The following MID2 variants were observed in gnomAD, a reference collection of about 807,000 sequenced individuals.
The protein encoded by MID2 is midline 2.
In MID2, 13 loss-of-function variants were observed where a neutral mutation model predicts 46.1. That is an observed-to-expected ratio of 0.28 (90% CI 0.18 to 0.45). The LOEUF is 0.45. Ranked by LOEUF, MID2 falls within the 20% of genes least tolerant of loss-of-function variation. MID2 has a pLI of 1.00. For missense variants in MID2, 431 were observed against 575.4 expected, an observed-to-expected ratio of 0.75 and a Z score of 2.57; for synonymous variants, 199 against 212.3, an observed-to-expected ratio of 0.94 and a Z score of 0.55.
intron 3 of MID2, among the ~76,000 whole-genome samples, chrX:107,877,383 A>T (rs1388232373): frequency 8.9e-6 from 1 of 112,103 alleles, no homozygotes; most frequent in African/African-American, 3.2e-5. Context: ...CCTCCAGAGG[A>T]GTACAGACTG....
Position 107,825,879 on chromosome X carries a change from G to T in MID2, c.-548G>T. 1 of 256,934 alleles carries T rather than the reference G, an allele frequency of 3.9e-6. No individual in the cohort carries two copies. Among genetic ancestry groups the T allele is most frequent in the Non-Finnish European group, 6.9e-6 (1 of 144,630 alleles). The allele number at this position is 256,934 out of a possible 1,213,427, so 21.2% of individuals were successfully genotyped here. On this transcript the variant is annotated 5_prime_UTR_variant, in exon 1 of 10. Transcript: ENST00000262843. Reference sequence around the variant, plus strand: ...GTTTCTCCGGTCACTCCTGCCAGGGGAGAAGACATGTAAACGTGCCTCCAG... The same window carrying T: ...GTTTCTCCGGTCACTCCTGCCAGGGTAGAAGACATGTAAACGTGCCTCCAG...
intron 1 of MID2, among the ~76,000 whole-genome samples, chrX:107,832,052 A>G (rs1034250820): frequency 8.9e-6 from 1 of 112,470 alleles, no homozygotes; most frequent in Non-Finnish European, 1.9e-5. Context: ...TATGATGACT[A>G]TCTTGTATAA....
At chrX:107,906,051 C>G (rs775816414) in intron 5 of MID2, among the ~76,000 whole-genome samples, 2 of 111,897 alleles carry the variant, frequency 1.8e-5, no homozygotes, top group African/African-American at 6.5e-5. Flanking sequence ...TCACTCACCC[C>G]TTTCTAAATT....
At chrX:107,840,588 C>T in intron 1 of MID2, 82 bp from the exon 2 acceptor site, 6 of 771,356 alleles carry the variant, frequency 7.8e-6, no homozygotes, top group South Asian at 7.6e-5. Context: ...CACGTAAACG[C>T]GCCCATTGGT....
At position 107,905,629 on chromosome X, in the gene MID2, C is replaced by G; in HGVS notation, c.1073+3C>G. 1 of 1,185,784 alleles carries G rather than the reference C, an allele frequency of 8.4e-7. No individual in the cohort carries two copies. Among genetic ancestry groups the G allele is most frequent in the Middle Eastern group, 2.4e-4 (1 of 4,242 alleles). ...TCTGCAAAAAATATTGCTGAGAGGT[C>G]AGTTCCTTATATTCTTTGGAAATGC... is the stretch of plus-strand genomic sequence containing the variant. On this transcript the variant is annotated splice_donor_region_variant and intron_variant, in intron 5 of 9. Transcript: ENST00000262843.
At chrX:107,840,498 A>G (rs996943143) in intron 1 of MID2, among the ~76,000 whole-genome samples, 172 bp from the exon 2 acceptor site, 1 of 112,490 alleles carries the variant, frequency 8.9e-6, no homozygotes, top group Non-Finnish European at 1.9e-5. Context: ...TGTCTAAAAC[A>G]AGGTTTGAAG....
chrX:107,844,380 A>G (rs1277873833), intron 2 of MID2, among the ~76,000 whole-genome samples: 1 of 111,566 alleles, frequency 9.0e-6, no homozygotes, highest in Admixed American at 9.5e-5. Context: ...ATTTTTATTC[A>G]CGACAGTTAT....
rs777053928 is a variant in MID2, at chrX:107,902,264, C to T, written c.817-1694C>T. ...ATATAGTGTTATGTAAAGGCTAGTC[C>T]GAGGATTACATTTTAAGAAACCAGG... On this transcript the variant is annotated intron_variant, in intron 3 of 9. Transcript: ENST00000262843. 3.6e-5 allele frequency among the ~76,000 whole-genome samples: 4 copies of T among 111,615 alleles called. No homozygotes were observed. The East Asian group carries it at 8.5e-4, about 24-fold the overall frequency.
intron 3 of MID2, among the ~76,000 whole-genome samples, chrX:107,897,609 G>T (rs1200291084): frequency 9.0e-6 from 1 of 111,321 alleles, no homozygotes; most frequent in African/African-American, 3.3e-5. Flanking sequence ...TCTTCCTTTT[G>T]TACATTTGAA....
chrX:107,895,451 G>C (rs1037030621), intron 3 of MID2: 2 of 111,777 alleles, frequency 1.8e-5, no homozygotes, highest in African/African-American at 6.5e-5. Context: ...GATTTGCTAT[G>C]TCACTCATCA....
At chrX:107,903,470 A>C (rs1932811317) in intron 3 of MID2, among the ~76,000 whole-genome samples, 1 of 111,954 alleles carries the variant, frequency 8.9e-6, no homozygotes, top group African/African-American at 3.2e-5. Flanking sequence ...AAATATATAC[A>C]CATGAATATA....
At chrX:107,881,551 CAT>C (rs1932318943) in intron 3 of MID2, among the ~76,000 whole-genome samples, 1 of 112,009 alleles carries the variant, frequency 8.9e-6, no homozygotes, top group Admixed American at 9.5e-5. Flanking sequence ...TTCACAATGA[CAT>C]ATGAATGAAC....
intron 2 of MID2, among the ~76,000 whole-genome samples, chrX:107,846,935 G>A (rs1258379279): frequency 9.0e-6 from 1 of 111,678 alleles, no homozygotes; most frequent in African/African-American, 3.3e-5. Context: ...TGTTATTGTT[G>A]GGCAAAGAAA....
rs966020313 is a variant in MID2, at chrX:107,825,938, C to A, written c.-489C>A. The A allele has an allele frequency of 3.8e-6, 1 of 264,394 alleles. No homozygotes were observed. The highest frequency in any genetic ancestry group is 5.4e-5 in the East Asian group (1 of 18,514). The allele number at this position is 264,394 out of a possible 1,213,427, so 21.8% of individuals were successfully genotyped here. On this transcript the variant is annotated 5_prime_UTR_variant, in exon 1 of 10. Transcript: ENST00000262843. ...CTGGGGGAGCTGGGAGTGGCGGGGG[C>A]GGCGGAAGGTGAGCCTGGGAAGGTG...
At position 107,917,495 on chromosome X, in the gene MID2, T is replaced by G; in HGVS notation, c.1202-11T>G. 8.5e-7 allele frequency: 1 copy of G among 1,178,084 alleles called. No individual in the cohort carries two copies. ...TGCTTTCCTTACTTTCTTTTCCACCTTTCCTTACAGCCCCAAACCCACCAT... is the reference window on the plus strand; with the variant it reads ...TGCTTTCCTTACTTTCTTTTCCACCGTTCCTTACAGCCCCAAACCCACCAT... On this transcript the variant is annotated splice_polypyrimidine_tract_variant and intron_variant, in intron 6 of 9. Coordinates refer to ENST00000262843, the MANE Select transcript of MID2 (RefSeq NM_012216.4).
intron 3 of MID2, among the ~76,000 whole-genome samples, chrX:107,855,173 C>T (rs888003641): frequency 2.7e-5 from 3 of 111,271 alleles, no homozygotes; most frequent in Non-Finnish European, 5.7e-5. Context: ...TCATCCCCTG[C>T]CCATGGTCCT....
rs766707051 is a variant in MID2 at position 107,845,525 on chromosome X, ACTCTCTCTCTCTCT to A, written c.720+4160_720+4173del. On this transcript the variant is annotated intron_variant, in intron 2 of 9. Transcript: ENST00000262843. The stretch of plus-strand genomic sequence containing the variant: ...CACACACACACACACACACACACAC[ACTCTCTCTCTCTCT>A]CTCTCTCTCTCTCTCTCTCAGCAAG... Among the ~76,000 whole-genome samples, 6 of 72,946 alleles carry A rather than the reference ACTCTCTCTCTCTCT, an allele frequency of 8.2e-5. No homozygotes were observed. In the South Asian group the frequency reaches 3.5e-3, roughly 43 times the overall value. The allele number at this position is 72,946 out of a possible 115,157, so 63.3% of individuals were successfully genotyped here. A position where few individuals can be genotyped will look rare whatever the true frequency, so the allele number is the denominator to read the frequency against.
At position 107,841,044 on chromosome X, in the gene MID2, A is replaced by G; in HGVS notation, c.379A>G (p.Arg127Gly). Residue 127 changes from arginine to glycine, a missense_variant, in exon 2 of 10, where the codon AGG (arginine) becomes GGG (glycine). By Grantham distance (125) the Arg-to-Gly change is moderately radical. Coordinates refer to ENST00000262843, the MANE Select transcript of MID2 (RefSeq NM_012216.4). ...PSESRRERTY[R>G]PTTAMSSERI... ...TGAGAGCCGCCGGGAAAGGACTTACAGGCCCACCACTGCCATGTCTAGCGA... is the reference window on the plus strand; with the variant it reads ...TGAGAGCCGCCGGGAAAGGACTTACGGGCCCACCACTGCCATGTCTAGCGA... The G allele has an allele frequency of 4.1e-6, 5 of 1,211,579 alleles. No homozygotes were observed. In the South Asian group the frequency reaches 7.0e-5, roughly 17 times the overall value.
chrX:107,888,363 T>C (rs1004988629), intron 3 of MID2, among the ~76,000 whole-genome samples: 13 of 112,484 alleles, frequency 1.2e-4, no homozygotes, highest in Admixed American at 1.0e-3. Flanking sequence ...TGTTTATTTC[T>C]GCTTTCCTTT....
Sources: allele counts gnomAD v4.1 joint callset (sites outside exome capture counted in the v4.1 genomes callset), GRCh38; gene constraint gnomAD v4.1.1; transcripts MANE v1.5; gene names NCBI Gene and HGNC (gene_info 2026-07-23, HGNC 2026-07-21).